The following PLCG2 variants were observed in gnomAD, a reference collection of about 807,000 sequenced individuals.
The protein encoded by PLCG2 is 1-phosphatidylinositol 4,5-bisphosphate phosphodiesterase gamma-2.
Under a neutral mutation model 175.6 loss-of-function variants are expected in PLCG2, and 69 were observed. The observed-to-expected ratio is 0.39, with a 90% CI of 0.32 to 0.48. The LOEUF is 0.48. Among genes scored for constraint, PLCG2 ranks in the 20% least tolerant of loss-of-function variants. PLCG2 has a pLI of 0.91. For missense variants in PLCG2, 1,798 were observed against 1,650.9 expected, an observed-to-expected ratio of 1.09 and a Z score of -1.54; for synonymous variants, 827 against 624.0, an observed-to-expected ratio of 1.33 and a Z score of -4.85.
intron 2 of PLCG2, among the ~76,000 whole-genome samples, chr16:81,814,679 T>G (rs1904460594): frequency 6.6e-6 from 1 of 151,374 alleles, no homozygotes; most frequent in Admixed American, 6.6e-5. Flanking sequence ...TGGGCAACAG[T>G]ACGAGACTCT....
In PLCG2 at chr16:81,956,738, G is replaced by A; in HGVS notation, c.3614G>A (p.Arg1205Lys). Reference protein sequence around the residue: ...ELYSSCRQLRRRQEELNNQLF... With the variant: ...ELYSSCRQLRKRQEELNNQLF... ...TACTCCTCCTGTCGCCAGCTGAGGA[G>A]GCGGCAAGAAGAACTGAACAACCAG... The change falls in exon 32 of 33, where the codon AGG becomes AAG. Residue 1205 changes from arginine to lysine, a missense_variant. By Grantham distance (26) the Arg-to-Lys change is conservative. Transcript: ENST00000564138. 1 of 1,614,142 alleles carries A rather than the reference G, an allele frequency of 6.2e-7. No homozygotes were observed. Among genetic ancestry groups the A allele is most frequent in the Non-Finnish European group, 8.5e-7 (1 of 1,180,022 alleles).
chr16:81,868,225 T>C (rs1289957922), intron 5 of PLCG2, among the ~76,000 whole-genome samples: 1 of 152,184 alleles, frequency 6.6e-6, no homozygotes, highest in African/African-American at 2.4e-5. Flanking sequence ...GGTGAACAAT[T>C]AGGCAACTTT....
rs67160306 is a variant in PLCG2, at chr16:81,787,393, A to AT, written c.193+1229dup. Among the ~76,000 whole-genome samples the AT allele has an allele frequency of 6.1e-3, 573 of 94,548 alleles. 22 individuals are homozygous for AT. Among genetic ancestry groups the AT allele is most frequent in the Middle Eastern group, 0.019 (2 of 108 alleles). The allele number at this position is 94,548 out of a possible 152,430, so 62.0% of individuals were successfully genotyped here. Reference sequence around the variant, plus strand: ...TGCACCGCCATGCCTGGATAATTTAATTTTTTTTTTTTTTTTTTGTAGAGA... The same window carrying AT: ...TGCACCGCCATGCCTGGATAATTTAATTTTTTTTTTTTTTTTTTTGTAGAGA... On this transcript the variant is annotated intron_variant, in intron 2 of 32. Transcript: ENST00000564138.
Position 81,931,600 on chromosome 16 carries a change from G to C in PLCG2, c.2685G>C (p.Glu895Asp), listed in dbSNP as rs764416980. The change falls in exon 25 of 33, where the codon GAG becomes GAC. Residue 895 changes from glutamate (E) to aspartate (D), a missense_variant. Transcript: ENST00000564138. ...AGTTTGCCACAGACAGGGTGGAGGAGCTCTTTGAGTGGTTTCAGAGCATCC... is the reference window on the plus strand; with the variant it reads ...AGTTTGCCACAGACAGGGTGGAGGACCTCTTTGAGTGGTTTCAGAGCATCC... ...PVEFATDRVEELFEWFQSIRE... is the reference protein window; with the variant it reads ...PVEFATDRVEDLFEWFQSIRE... 1.9e-6 allele frequency: 3 copies of C among 1,614,100 alleles called. No homozygotes were observed. The highest frequency in any genetic ancestry group is 1.7e-5 in the Admixed American group (1 of 60,026).
chr16:81,878,102 C>G lies in PLCG2; in HGVS notation c.649-2808C>G, dbSNP rs1011161429. Among the ~76,000 whole-genome samples, 3 of 151,462 alleles carry G rather than the reference C, an allele frequency of 2.0e-5. No homozygotes were observed. In the East Asian group the frequency reaches 5.8e-4, roughly 29 times the overall value. ...GTTCACGCCATTCTTCTGCCTCAGC[C>G]TCCCGAGTAGCTGGGGACTACAGGC... On this transcript the variant is annotated intron_variant, in intron 7 of 32. Transcript: ENST00000564138.
At chr16:81,861,978 C>A (rs1398652478) in intron 5 of PLCG2, among the ~76,000 whole-genome samples, 1 of 152,222 alleles carries the variant, frequency 6.6e-6, no homozygotes, top group African/African-American at 2.4e-5. Flanking sequence ...CTCTCCTCTA[C>A]CTCCCTCCCA....
rs367682005 is a variant in PLCG2 at position 81,927,036 on chromosome 16, C to T, written c.2418-46C>T. On this transcript the variant is annotated intron_variant, in intron 22 of 32. Transcript: ENST00000564138. ...TGCAGATGAGCAGTAGTGGGTAATT[C>T]ATGCCACCTGGTGACAGCGCCCCCA... 7.7e-6 allele frequency: 10 copies of T among 1,302,280 alleles called. No individual in the cohort carries two copies. In the African/African-American group the frequency reaches 1.2e-4, roughly 15 times the overall value. The allele number at this position is 1,302,280 out of a possible 1,614,324, so 80.7% of individuals were successfully genotyped here. A position where few individuals can be genotyped will look rare whatever the true frequency, so the allele number is the denominator to read the frequency against.
intron 22 of PLCG2, among the ~76,000 whole-genome samples, chr16:81,924,563 G>T (rs561478368): frequency 6.6e-6 from 1 of 152,306 alleles, no homozygotes; most frequent in South Asian, 2.1e-4. Context: ...GAACCGCCAG[G>T]CCTTTTGACT....
intron 2 of PLCG2, among the ~76,000 whole-genome samples, chr16:81,771,762 GTTTGTT>G (rs1216790849): frequency 2.0e-5 from 3 of 150,698 alleles, no homozygotes; most frequent in East Asian, 2.0e-4. Flanking sequence ...TGGAAATAAG[GTTTGTT>G]TTTGTTTTTG....
chr16:81,829,571 A>G (rs929854164), intron 2 of PLCG2, among the ~76,000 whole-genome samples: 2 of 152,206 alleles, frequency 1.3e-5, no homozygotes, highest in East Asian at 1.9e-4. Context: ...AGAAATTAAC[A>G]TTACCACATC....
At position 81,957,968 on chromosome 16, in the gene PLCG2, G is replaced by T. The variant is rs760119872; in HGVS notation, c.3768G>T (p.Lys1256Asn). The change falls in exon 33 of 33, where the codon AAG becomes AAT. Residue 1256 changes from lysine to asparagine, a missense_variant. Lys to Asn is a moderately conservative substitution (Grantham distance 94). Coordinates refer to ENST00000564138, the MANE Select transcript of PLCG2 (RefSeq NM_002661.5). The part of the protein sequence containing the change: ...QEKCNKRLRE[K>N]RVSNSKFYS Reference sequence around the variant, plus strand: ...TGTTTTATTTCAGGTTAAGAGAGAAGAGAGTCAGCAACAGCAAGTTTTACT... The same window carrying T: ...TGTTTTATTTCAGGTTAAGAGAGAATAGAGTCAGCAACAGCAAGTTTTACT... The T allele has an allele frequency of 2.5e-6, 4 of 1,613,846 alleles. No individual in the cohort carries two copies. The South Asian group carries it at 3.3e-5, about 13-fold the overall frequency.
intron 30 of PLCG2, among the ~76,000 whole-genome samples, chr16:81,944,643 T>C (rs547296624): frequency 6.6e-6 from 1 of 152,308 alleles, no homozygotes; most frequent in South Asian, 2.1e-4. Context: ...TTTTTTATTT[T>C]ATTTTATTTC....
rs752037474 is a variant in PLCG2 at position 81,908,516 on chromosome 16, A to C, written c.1658A>C (p.Glu553Ala). 5 of 1,613,836 alleles carry C rather than the reference A, an allele frequency of 3.1e-6. No homozygotes were observed. The highest frequency in any genetic ancestry group is 4.2e-6 in the Non-Finnish European group (5 of 1,180,008). The stretch of plus-strand genomic sequence containing the variant: ...AAGTTGCTGCAGGAATACTGCATGG[A>C]GACGGGGGGCAAGGATGGCACCTTC... The part of the protein sequence containing the change: ...AEKLLQEYCM[E>A]TGGKDGTFLV... The change falls in exon 17 of 33, where the codon GAG becomes GCG. Residue 553 changes from glutamate (E) to alanine (A), a missense_variant. Physicochemically the swap from Glu to Ala is moderately radical, Grantham distance 107. Transcript: ENST00000564138.
At chr16:81,911,790 CTTTTTTTTTTTTTT>C (rs35027472) in intron 18 of PLCG2, among the ~76,000 whole-genome samples, 12 of 67,252 alleles carry the variant, frequency 1.8e-4, no homozygotes, top group African/African-American at 7.4e-4. Flanking sequence ...TTTGTATTTC[CTTTTTTTTTTTTTT>C]TTTTTTTTTT....
At chr16:81,900,276 G>A (rs904684817) in intron 13 of PLCG2, among the ~76,000 whole-genome samples, 2 of 152,144 alleles carry the variant, frequency 1.3e-5, no homozygotes, top group African/African-American at 2.4e-5. Context: ...TGTGCTGTCT[G>A]TTCATCTTTT....
intron 2 of PLCG2, among the ~76,000 whole-genome samples, chr16:81,768,908 G>GT (rs999159534): frequency 1.3e-5 from 2 of 152,036 alleles, no homozygotes; most frequent in African/African-American, 4.8e-5. Flanking sequence ...TAATAGGTGC[G>GT]TATTTTTTGT....
At chr16:81,901,628 C>G (rs141149204) in intron 14 of PLCG2, among the ~76,000 whole-genome samples, 170 of 152,338 alleles carry the variant, frequency 1.1e-3, no homozygotes, top group African/African-American at 3.9e-3. Context: ...GTACATAAAA[C>G]TTAATACTTC....
Position 81,880,936 on chromosome 16 carries a change from G to C in PLCG2, c.675G>C (p.Ser225=), listed in dbSNP as rs776539231. The change falls in exon 8 of 33, where the codon TCG becomes TCC. Residue 225 remains serine (S), a synonymous_variant. Coordinates refer to ENST00000564138, the MANE Select transcript of PLCG2 (RefSeq NM_002661.5). The stretch of plus-strand genomic sequence containing the variant: ...TTCTCGATGAATTCAAAAAGGATTC[G>C]TCCGTGTTCATCCTGGGGTGAGGCA... ...KSILDEFKKD[S]SVFILGNTDR... is the part of the protein sequence containing the mutation. 16 of 1,614,106 alleles carry C rather than the reference G, an allele frequency of 9.9e-6. No homozygotes were observed. The highest frequency in any genetic ancestry group is 2.2e-5 in the East Asian group (1 of 44,880).
intron 30 of PLCG2, among the ~76,000 whole-genome samples, chr16:81,942,939 G>C (rs1167104453): frequency 6.6e-6 from 1 of 151,452 alleles, no homozygotes; most frequent in Non-Finnish European, 1.5e-5. Flanking sequence ...TTTTATACAA[G>C]GAGGGCTGCC....
Sources: allele counts gnomAD v4.1 joint callset (sites outside exome capture counted in the v4.1 genomes callset), GRCh38; gene constraint gnomAD v4.1.1; transcripts MANE v1.5; gene names NCBI Gene and HGNC (gene_info 2026-07-23, HGNC 2026-07-21).